The following ATP1A3 variants were observed in gnomAD, a reference collection of about 807,000 sequenced individuals.
ATP1A3 encodes the protein ATPase Na+/K+ transporting subunit alpha 3.
ATP1A3 carries 12 observed loss-of-function variants against 108.8 expected under a neutral mutation model. The observed-to-expected ratio is 0.11, with a 90% confidence interval of 0.07 to 0.18. The LOEUF (loss-of-function observed/expected upper bound fraction) is 0.18, where lower values mean the gene tolerates loss of function less well. Among genes scored for constraint, ATP1A3 ranks in the 10% least tolerant of loss-of-function variants. The probability of loss-of-function intolerance (pLI) is 1.00; values close to 1 mark genes in which losing one functional copy is unlikely to be tolerated. For synonymous variants in ATP1A3, 539 were observed against 564.5 expected, an observed-to-expected ratio of 0.95 and a Z score of 0.64; for missense variants, 498 against 1,387.7, an observed-to-expected ratio of 0.36 and a Z score of 10.19.
Position 41,968,971 on chromosome 19 carries a change from C to A in ATP1A3, c.2689-56G>T. 1 of 1,610,980 alleles carries A rather than the reference C, an allele frequency of 6.2e-7. No homozygotes were observed. Among genetic ancestry groups the A allele is most frequent in the Non-Finnish European group, 8.5e-7 (1 of 1,178,708 alleles). On this transcript the variant is annotated intron_variant, in intron 19 of 22. Transcript: ENST00000648268. The surrounding 1 kb of genome is among the most constrained non-coding windows in gnomAD (Gnocchi z 5.0). ...TCAGTTAGTGGCACTGCAGCCCTAG[C>A]CGCCACCCCGACGTTCCGGTGCTCT...
At chr19:41,974,357 C>T (rs62119578) in intron 16 of ATP1A3, among the ~76,000 whole-genome samples, 50 of 151,954 alleles carry the variant, frequency 3.3e-4, no homozygotes, top group Non-Finnish European at 6.2e-4. Flanking sequence ...GCAGGAGGAT[C>T]GATTAAGTCC....
Position 41,978,399 on chromosome 19 carries a change from C to T in ATP1A3, c.1631-73G>A, listed in dbSNP as rs1381388953. 1 of 1,525,602 alleles carries T rather than the reference C, an allele frequency of 6.6e-7. No individual in the cohort carries two copies. Among genetic ancestry groups the T allele is most frequent in the Non-Finnish European group, 8.9e-7 (1 of 1,128,058 alleles). 94.5% of individuals were successfully genotyped at this position (1,525,602 alleles called of 1,614,324 possible). A position where few individuals can be genotyped will look rare whatever the true frequency, so the allele number is the denominator to read the frequency against. On this transcript the variant is annotated intron_variant, in intron 12 of 22. Coordinates refer to ENST00000648268, the MANE Select transcript of ATP1A3 (RefSeq NM_152296.5). The surrounding 1 kb of genome is among the most constrained non-coding windows in gnomAD (Gnocchi z 8.3). The stretch of plus-strand genomic sequence containing the variant: ...TCCGCCCCATGCCCCTAGATGTCTG[C>T]ATCGCCCGCATTCCATCTCCCCATC...
chr19:41,967,062 G>A lies in ATP1A3; in HGVS notation c.3014-97C>T, dbSNP rs1297425698. 2 of 1,551,516 alleles carry A rather than the reference G, an allele frequency of 1.3e-6. No individual in the cohort carries two copies. The highest frequency in any genetic ancestry group is 2.0e-5 in the Admixed American group (1 of 50,954). ...GCAGAGAGAGGGACAGAGAGGGAGA[G>A]AGACAAGGAAACCACACAGACAGAG... On this transcript the variant is annotated intron_variant, in intron 22 of 22. Transcript: ENST00000648268. This position sits in a 1 kb window ranked among gnomAD's most constrained non-coding sequence, Gnocchi z 4.2.
intron 14 of ATP1A3, among the ~76,000 whole-genome samples, chr19:41,977,132 G>A (rs1555861607): frequency 6.6e-6 from 1 of 151,668 alleles, no homozygotes; most frequent in African/African-American, 2.4e-5. Flanking sequence ...TCAGAGGAAC[G>A]GAGATAAATG....
intron 18 of ATP1A3, among the ~76,000 whole-genome samples, chr19:41,969,894 C>G (rs576791261): frequency 6.6e-6 from 1 of 152,204 alleles, no homozygotes; most frequent in East Asian, 1.9e-4. Context: ...GAGCTCCCTA[C>G]GCAGGAATGA....
chr19:41,969,889 C>G (rs2075083719), intron 18 of ATP1A3, among the ~76,000 whole-genome samples: 2 of 152,220 alleles, frequency 1.3e-5, no homozygotes, highest in African/African-American at 4.8e-5. Context: ...AGCTTGAGCT[C>G]CCTACGCAGG....
Position 41,970,347 on chromosome 19 carries a change from C to G in ATP1A3, c.2419-39G>C, listed in dbSNP as rs782172680. On this transcript the variant is annotated intron_variant, in intron 17 of 22. Transcript: ENST00000648268. ...GCCGGGTGAGCCGGAGAGGGGAGGA[C>G]TCCACCCTCCTGGGCCCCAAGGGTG... The G allele has an allele frequency of 1.1e-5, 18 of 1,613,772 alleles. No individual in the cohort carries two copies. In the Admixed American group the frequency reaches 2.8e-4, roughly 25 times the overall value.
Position 41,968,670 on chromosome 19 carries a change from T to G in ATP1A3, c.2819+115A>C, listed in dbSNP as rs1599704283. The G allele has an allele frequency of 7.3e-6, 11 of 1,510,732 alleles. No homozygotes were observed. The highest frequency in any genetic ancestry group is 9.9e-6 in the Non-Finnish European group (11 of 1,111,026). 93.6% of individuals were successfully genotyped at this position (1,510,732 alleles called of 1,614,324 possible). On this transcript the variant is annotated intron_variant, in intron 20 of 22. Coordinates refer to ENST00000648268, the MANE Select transcript of ATP1A3 (RefSeq NM_152296.5). This position sits in a 1 kb window ranked among gnomAD's most constrained non-coding sequence, Gnocchi z 5.0. ...CAGTCTGGGTGACAGAGTGAGACCC[T>G]GCCTCAACAAAACAACAAAAAACCA...
chr19:41,994,069 ACCC>A lies in ATP1A3; in HGVS notation c.5_6+1del, dbSNP rs782646970. ...GCGGCGCCCAGCCGGCTCAGCACCTACCCCCATCTTGGCGGCTCCGCGGCGAGA... is the reference window on the plus strand; with the variant it reads ...GCGGCGCCCAGCCGGCTCAGCACCTACCATCTTGGCGGCTCCGCGGCGAGA... On this transcript the variant is annotated splice_donor_variant and coding_sequence_variant, in exon 1 of 23. Coordinates refer to ENST00000648268, the MANE Select transcript of ATP1A3 (RefSeq NM_152296.5). LOFTEE classifies it high-confidence loss of function. 10 of 1,602,456 alleles carry A rather than the reference ACCC, an allele frequency of 6.2e-6. No homozygotes were observed. The highest frequency in any genetic ancestry group is 8.5e-6 in the Non-Finnish European group (10 of 1,176,044).
chr19:41,979,004 T>A (rs1319032373), intron 11 of ATP1A3, among the ~76,000 whole-genome samples: 2 of 151,972 alleles, frequency 1.3e-5, no homozygotes, highest in African/African-American at 4.8e-5. Flanking sequence ...TCTTTTTTTC[T>A]TTTTTCTTTT....
chr19:41,975,459 C>A (rs917387500), intron 16 of ATP1A3, among the ~76,000 whole-genome samples, 170 bp downstream of exon 16: 10 of 152,194 alleles, frequency 6.6e-5, no homozygotes, highest in African/African-American at 2.4e-4. Flanking sequence ...CAGGGGAGCT[C>A]CCGACCCCAC....
intron 1 of ATP1A3, chr19:41,990,868 CTCTCTG>C (rs1187189995): frequency 1.3e-5 from 2 of 152,296 alleles, no homozygotes; most frequent in East Asian, 1.9e-4. Context: ...CTGTCTATGT[CTCTCTG>C]TCTCTGTCTC....
chr19:41,981,454 A>G lies in ATP1A3; in HGVS notation c.1437+48T>C, dbSNP rs1555863268. On this transcript the variant is annotated intron_variant, in intron 11 of 22. Coordinates refer to ENST00000648268, the MANE Select transcript of ATP1A3 (RefSeq NM_152296.5). This position sits in a 1 kb window ranked among gnomAD's most constrained non-coding sequence, Gnocchi z 5.0. The stretch of plus-strand genomic sequence containing the variant: ...TCTATGACACCTCTTTACAGGCGTC[A>G]TAAGGAACCTGAGGTCCAGGCTGGC... 1.2e-6 allele frequency: 2 copies of G among 1,614,040 alleles called. No homozygotes were observed. Among genetic ancestry groups the G allele is most frequent in the Non-Finnish European group, 1.7e-6 (2 of 1,179,956 alleles).
chr19:41,978,900 C>T lies in ATP1A3; in HGVS notation c.1438-102G>A. The stretch of plus-strand genomic sequence containing the variant: ...CCAGAGCCACGGGTGCCAGGATAGG[C>T]CCACACCAGGGCTCCCCCACACTCT... On this transcript the variant is annotated intron_variant, in intron 11 of 22. Transcript: ENST00000648268. The surrounding 1 kb of genome is among the most constrained non-coding windows in gnomAD (Gnocchi z 8.3). 3 of 1,174,672 alleles carry T rather than the reference C, an allele frequency of 2.6e-6. No individual in the cohort carries two copies. Among genetic ancestry groups the T allele is most frequent in the Non-Finnish European group, 3.7e-6 (3 of 810,440 alleles). 72.8% of individuals were successfully genotyped at this position (1,174,672 alleles called of 1,614,324 possible).
chr19:41,967,540 TCAGAA>T lies in ATP1A3; in HGVS notation c.2921+117_2921+121del, dbSNP rs1270377716. On this transcript the variant is annotated intron_variant, in intron 21 of 22. Coordinates refer to ENST00000648268, the MANE Select transcript of ATP1A3 (RefSeq NM_152296.5). This position sits in a 1 kb window ranked among gnomAD's most constrained non-coding sequence, Gnocchi z 4.2. ...AGCCTATGGGGGAGGCTCGGGGGCATCAGAATGGGGACTGCAGTGGGGACACCAGG... is the reference window on the plus strand; with the variant it reads ...AGCCTATGGGGGAGGCTCGGGGGCATTGGGGACTGCAGTGGGGACACCAGG... 4 of 1,216,964 alleles carry T rather than the reference TCAGAA, an allele frequency of 3.3e-6. No homozygotes were observed. In the Admixed American group the frequency reaches 8.3e-5, roughly 25 times the overall value. The allele number at this position is 1,216,964 out of a possible 1,614,324, so 75.4% of individuals were successfully genotyped here.
At chr19:41,989,259 C>T (rs2075313928) in intron 1 of ATP1A3, among the ~76,000 whole-genome samples, 1 of 150,204 alleles carries the variant, frequency 6.7e-6, no homozygotes, top group African/African-American at 2.5e-5. Context: ...CATTTTAACT[C>T]TGCTTCTGTC....
At chr19:41,984,067 G>A (rs1347111639) in intron 8 of ATP1A3, among the ~76,000 whole-genome samples, 3 of 151,954 alleles carry the variant, frequency 2.0e-5, no homozygotes, top group Admixed American at 6.6e-5. Context: ...GAGCCACTGC[G>A]CCCAGCCTTC....
At chr19:41,987,169 G>T (rs536952168) in intron 4 of ATP1A3, among the ~76,000 whole-genome samples, 1 of 152,144 alleles carries the variant, frequency 6.6e-6, no homozygotes, top group African/African-American at 2.4e-5. Context: ...CAGCTTCTTT[G>T]GTTCTCTGTG....
chr19:41,978,660 C>T lies in ATP1A3; in HGVS notation c.1576G>A (p.Glu526Lys). 6.2e-7 allele frequency: 1 copy of T among 1,614,084 alleles called. No homozygotes were observed. The highest frequency in any genetic ancestry group is 8.5e-7 in the Non-Finnish European group (1 of 1,180,018). ...KEQPLDEEMK[E>K]AFQNAYLELG... Reference sequence around the variant, plus strand: ...TCAAGGTAGGCATTCTGGAAGGCCTCCTTCATTTCCTCGTCCAGAGGCTGC... The same window carrying T: ...TCAAGGTAGGCATTCTGGAAGGCCTTCTTCATTTCCTCGTCCAGAGGCTGC... The change falls in exon 12 of 23, where the codon GAG (glutamate) becomes AAG (lysine). Residue 526 changes from glutamate (E) to lysine (K), a missense_variant. By Grantham distance (56) the Glu-to-Lys change is moderately conservative. This residue lies in a region of ATP1A3 where 92 missense variants were observed against 168.7 expected (regional missense o/e 0.55). Transcript: ENST00000648268. The surrounding 1 kb of genome is among the most constrained non-coding windows in gnomAD (Gnocchi z 8.3).
Sources: gnomAD v4.1 joint callset for allele counts (sites outside exome capture counted in the v4.1 genomes callset) on GRCh38, gnomAD v4.1.1 for gene constraint, gnomAD v4.1.1 regional missense constraint, Gnocchi (gnomAD v3.1) non-coding constraint, MANE v1.5 for transcripts, NCBI Gene and HGNC (gene_info 2026-07-23, HGNC 2026-07-21) for gene names.